GATAD1: variants seen among roughly 807,000 people sequenced by gnomAD.
GATAD1 encodes the protein GATA zinc finger domain-containing protein 1.
Under a neutral mutation model 26.5 loss-of-function variants are expected in GATAD1, and 12 were observed. That is an observed-to-expected ratio of 0.45 (90% confidence interval 0.29 to 0.73). GATAD1 has a LOEUF of 0.73. Among genes scored for constraint, GATAD1 ranks in the 30% least tolerant of loss-of-function variants. The pLI, the probability that GATAD1 is intolerant of heterozygous loss-of-function variation, is 0.10. For missense variants in GATAD1, 266 were observed against 342.1 expected (o/e 0.78, Z 1.75); for synonymous variants, 129 against 133.1 (o/e 0.97, Z 0.21).
In GATAD1 at chr7:92,447,662, G is replaced by T; in HGVS notation, c.-68G>T. ...CGCCGGGAGTGGCGGGCCGACCAGG[G>T]GGCGGCCGGGCTACCGTCCGCCATT... On this transcript the variant is annotated 5_prime_UTR_variant, in exon 1 of 5. Coordinates refer to ENST00000287957, the MANE Select transcript of GATAD1 (RefSeq NM_021167.5). 7.5e-7 allele frequency: 1 copy of T among 1,340,076 alleles called. No individual in the cohort carries two copies. Among genetic ancestry groups the T allele is most frequent in the Non-Finnish European group, 9.6e-7 (1 of 1,043,614 alleles). 83.0% of individuals were successfully genotyped at this position (1,340,076 alleles called of 1,614,324 possible).
At chr7:92,490,418 T>C in the GATAD1 span, among the ~76,000 whole-genome samples, 4 of 152,124 alleles carry the variant, frequency 2.6e-5, no homozygotes, top group Admixed American at 2.6e-4. Context: ...GCAGATAGCT[T>C]GAGCCCAGGA....
the GATAD1 span, chr7:92,469,281 G>C: frequency 6.5e-6 from 5 of 764,384 alleles, no homozygotes; most frequent in African/African-American, 8.4e-5. Context: ...GATCTTGCAA[G>C]GTGACCAGGG....
chr7:92,477,472 T>G, the GATAD1 span: 1 of 152,412 alleles, frequency 6.6e-6, no homozygotes, highest in East Asian at 1.9e-4. Context: ...ACTTCCAAGA[T>G]GGTAGCAGGC....
At chr7:92,448,964 C>A in intron 2 of GATAD1, 87 bp downstream of exon 2, 1 of 1,382,956 alleles carries the variant, frequency 7.2e-7, no homozygotes, top group Non-Finnish European at 1.0e-6. Context: ...TGAACTTGGA[C>A]TCTGCCCTTG....
chr7:92,490,149 T>C, the GATAD1 span: 1 of 530,340 alleles, frequency 1.9e-6, no homozygotes. Context: ...CAGGGTAGGT[T>C]TTTTTAACTT....
At chr7:92,450,301 G>C (rs1789371869) in intron 2 of GATAD1, 1 of 163,442 alleles carries the variant, frequency 6.1e-6, no homozygotes, top group African/African-American at 2.4e-5. Context: ...GTTGAGTTGG[G>C]AAATGTCTTT....
At chr7:92,460,616 C>T (rs976606895), downstream of GATAD1, among the ~76,000 whole-genome samples, 1 of 151,904 alleles carries the variant, frequency 6.6e-6, no homozygotes, top group Non-Finnish European at 1.5e-5. Flanking sequence ...ATTCTGCAAA[C>T]AAGAAGCATC....
In GATAD1 at chr7:92,448,826, GAA is replaced by G; in HGVS notation, c.326_327del (p.Lys109SerfsTer13). 6.2e-7 allele frequency: 1 copy of G among 1,611,444 alleles called. No individual in the cohort carries two copies. The highest frequency in any genetic ancestry group is 1.1e-5 in the South Asian group (1 of 91,014). ...ACAAATCTGCTCCGGCTGCTGAAAAGAAAGTCTCCACCAAAGGAAAAGGGAGA... is the reference window on the plus strand; with the variant it reads ...ACAAATCTGCTCCGGCTGCTGAAAAGAGTCTCCACCAAAGGAAAAGGGAGA... ...KYKSAPAAEK[K>X]VSTKGKGRRH... On this transcript the variant is annotated frameshift_variant, in exon 2 of 5. Coordinates refer to ENST00000287957, the MANE Select transcript of GATAD1 (RefSeq NM_021167.5). LOFTEE classifies it high-confidence loss of function.
chr7:92,491,817 A>G, the GATAD1 span, among the ~76,000 whole-genome samples: 1 of 152,206 alleles, frequency 6.6e-6, no homozygotes, highest in Non-Finnish European at 1.5e-5. Flanking sequence ...CTCCAAAATG[A>G]TGAATCAACC....
chr7:92,493,929 C>CT, the GATAD1 span: 109 of 277,510 alleles, frequency 3.9e-4, 2 homozygotes, highest in East Asian at 9.5e-3. Flanking sequence ...ATGAAACCTG[C>CT]TTACATGCTT....
chr7:92,459,818 T>C lies in GATAD1; in HGVS notation c.*3256T>C, dbSNP rs1174682128. 6.6e-6 allele frequency among the ~76,000 whole-genome samples: 1 copy of C among 152,206 alleles called. No individual in the cohort carries two copies. The highest frequency in any genetic ancestry group is 1.9e-4 in the East Asian group (1 of 5,202). On this transcript the variant is annotated 3_prime_UTR_variant, in exon 5 of 5. Coordinates refer to ENST00000287957, the MANE Select transcript of GATAD1 (RefSeq NM_021167.5). ...ATAACCTAACCCCGGTTCTTGCTTA[T>C]GGGAGATGCTGATTGTAGGGTCTGA...
At chr7:92,475,996 A>C in the GATAD1 span, among the ~76,000 whole-genome samples, 1 of 152,170 alleles carries the variant, frequency 6.6e-6, no homozygotes, top group Non-Finnish European at 1.5e-5. Flanking sequence ...CTTCCACAAG[A>C]GTCCCCGTAT....
the GATAD1 span, chr7:92,469,982 A>C: frequency 1.7e-5 from 13 of 776,938 alleles, no homozygotes; most frequent in Non-Finnish European, 2.6e-5. Context: ...GTGAGTTGGG[A>C]GATTACTTCT....
rs1040105573 is a variant in GATAD1, at chr7:92,452,505, G to C, written c.435+1745G>C. On this transcript the variant is annotated intron_variant, in intron 3 of 4. Coordinates refer to ENST00000287957, the MANE Select transcript of GATAD1 (RefSeq NM_021167.5). ...CAAGAGTGTGACCACCCAAGACCCAGAATGGCTGAGTGGCCTCCCTGGAGC... is the reference window on the plus strand; with the variant it reads ...CAAGAGTGTGACCACCCAAGACCCACAATGGCTGAGTGGCCTCCCTGGAGC... Among the ~76,000 whole-genome samples the C allele has an allele frequency of 2.0e-5, 3 of 152,204 alleles. No homozygotes were observed. The East Asian group carries it at 5.8e-4, about 29-fold the overall frequency.
At chr7:92,467,145 C>T in the GATAD1 span, among the ~76,000 whole-genome samples, 1 of 152,016 alleles carries the variant, frequency 6.6e-6, no homozygotes, top group African/African-American at 2.4e-5. Flanking sequence ...TGATGAAACC[C>T]ATTTCTACTA....
At chr7:92,492,887 A>G in the GATAD1 span, 1 of 1,268,272 alleles carries the variant, frequency 7.9e-7, no homozygotes, top group Non-Finnish European at 1.2e-6. Context: ...TTTAAGGTGG[A>G]AATTTTGACA....
At chr7:92,478,974 T>C in the GATAD1 span, among the ~76,000 whole-genome samples, 2 of 152,146 alleles carry the variant, frequency 1.3e-5, no homozygotes, top group Non-Finnish European at 2.9e-5. Context: ...GGTACATGAA[T>C]GATACACCTG....
the GATAD1 span, among the ~76,000 whole-genome samples, chr7:92,468,061 G>A: frequency 1.3e-5 from 2 of 152,174 alleles, no homozygotes; most frequent in Admixed American, 1.3e-4. Context: ...ATGGATTCAA[G>A]GAATGGAACC....
the GATAD1 span, among the ~76,000 whole-genome samples, chr7:92,485,974 T>C: frequency 1.3e-5 from 2 of 152,306 alleles, no homozygotes; most frequent in East Asian, 3.9e-4. Flanking sequence ...GTTAAAAGCC[T>C]TCAGTGCTTA....
Sources: allele counts gnomAD v4.1 joint callset (sites outside exome capture counted in the v4.1 genomes callset), GRCh38; gene constraint gnomAD v4.1.1; transcripts MANE v1.5; gene names NCBI Gene and HGNC (gene_info 2026-07-23, HGNC 2026-07-21).